The following CSMD1 variants were observed in gnomAD, a reference collection of about 807,000 sequenced individuals.
CSMD1 encodes CUB and Sushi multiple domains 1.
Under a neutral mutation model 417.5 loss-of-function variants are expected in CSMD1, and 213 were observed. That is an observed-to-expected ratio of 0.51 (90% CI 0.46 to 0.57). The LOEUF (loss-of-function observed/expected upper bound fraction) is 0.57, where lower values mean the gene tolerates loss of function less well. Among genes scored for constraint, CSMD1 ranks in the 20% least tolerant of loss-of-function variants. The pLI is 0.00. For missense variants in CSMD1, 6,923 were observed against 4,529.7 expected (o/e 1.53, Z -15.17); for synonymous variants, 2,862 against 1,736.8 (o/e 1.65, Z -16.11).
At chr8:2,988,584 G>A (rs1806127639) in intron 54 of CSMD1, among the ~76,000 whole-genome samples, 1 of 152,164 alleles carries the variant, frequency 6.6e-6, no homozygotes, top group African/African-American at 2.4e-5. Context: ...GTAGGAAAAT[G>A]TGATTCTCAA....
chr8:3,154,687 C>G (rs746027186), intron 39 of CSMD1, among the ~76,000 whole-genome samples: 4 of 152,122 alleles, frequency 2.6e-5, no homozygotes, highest in Non-Finnish European at 5.9e-5. Context: ...TAGAAAACTG[C>G]GAGACCATTC....
intron 3 of CSMD1, among the ~76,000 whole-genome samples, chr8:4,082,196 A>G (rs1051547567): frequency 4.6e-5 from 7 of 152,186 alleles, no homozygotes; most frequent in Non-Finnish European, 7.3e-5. Context: ...TACTGTGAAT[A>G]AATTTTTCCC....
At chr8:4,508,173 T>TC (rs398006970) in intron 2 of CSMD1, among the ~76,000 whole-genome samples, 5,146 of 150,488 alleles carry the variant, frequency 0.034, 285 homozygotes, top group African/African-American at 0.11. Flanking sequence ...TTTTTTTTTT[T>TC]CAATTCTGAG....
chr8:4,910,653 A>G (rs889545393), intron 1 of CSMD1, among the ~76,000 whole-genome samples: 1 of 152,238 alleles, frequency 6.6e-6, no homozygotes, highest in African/African-American at 2.4e-5. Context: ...TTAGATTTTA[A>G]CATATTAATT....
At chr8:3,713,892 A>G (rs1463910063) in intron 6 of CSMD1, among the ~76,000 whole-genome samples, 1 of 152,120 alleles carries the variant, frequency 6.6e-6, no homozygotes, top group African/African-American at 2.4e-5. Context: ...TTGCATGTTT[A>G]CTGTAATTTT....
intron 2 of CSMD1, among the ~76,000 whole-genome samples, chr8:4,611,647 A>G (rs914845466): frequency 6.6e-6 from 1 of 152,178 alleles, no homozygotes; most frequent in African/African-American, 2.4e-5. Flanking sequence ...CATTTTGTTA[A>G]GAGAAAAAGT....
At chr8:4,131,050 C>G (rs1367446246) in intron 3 of CSMD1, among the ~76,000 whole-genome samples, 1 of 152,110 alleles carries the variant, frequency 6.6e-6, no homozygotes, top group Non-Finnish European at 1.5e-5. Context: ...TTGGATTTGT[C>G]CTAATCCTTT....
chr8:4,162,650 C>T (rs897239622), intron 3 of CSMD1, among the ~76,000 whole-genome samples: 3 of 152,102 alleles, frequency 2.0e-5, no homozygotes, highest in Admixed American at 6.5e-5. Context: ...ACTGATATGT[C>T]ATGTAACACC....
intron 2 of CSMD1, among the ~76,000 whole-genome samples, chr8:4,529,844 G>A (rs900381092): frequency 4.7e-5 from 7 of 149,022 alleles, no homozygotes; most frequent in South Asian, 4.3e-4. Flanking sequence ...ATAGGTTACC[G>A]TCAGGTTGCT....
intron 10 of CSMD1, among the ~76,000 whole-genome samples, chr8:3,496,079 C>T (rs929685355): frequency 6.6e-6 from 1 of 152,174 alleles, no homozygotes; most frequent in African/African-American, 2.4e-5. Context: ...CCGAAATAGG[C>T]TCCGATGTGT....
Position 2,951,156 on chromosome 8 carries a change from C to T in CSMD1, c.10159G>A (p.Ala3387Thr). 6.2e-7 allele frequency: 1 copy of T among 1,613,554 alleles called. No individual in the cohort carries two copies. Among genetic ancestry groups the T allele is most frequent in the Non-Finnish European group, 8.5e-7 (1 of 1,179,630 alleles). ...ACTGGCGAGGCTTCGCTGAAGGTGG[C>T]ATTCACCTTACTGCTTGTTGCATTG... ...WFNATSSKVN[A>T]TFSEASPVEL... The change falls in exon 66 of 70, where the codon GCC (alanine) becomes ACC (threonine). Residue 3387 changes from alanine (A) to threonine (T), a missense_variant. By Grantham distance (58) the Ala-to-Thr change is moderately conservative. Coordinates refer to ENST00000635120, the MANE Select transcript of CSMD1 (RefSeq NM_033225.6).
chr8:3,194,736 C>T (rs1375453526), intron 33 of CSMD1, among the ~76,000 whole-genome samples: 8 of 151,778 alleles, frequency 5.3e-5, no homozygotes, highest in Admixed American at 5.3e-4. Context: ...TCCCAAAGTG[C>T]TAGGATTATA....
chr8:3,084,716 A>G (rs1359536967), intron 49 of CSMD1, among the ~76,000 whole-genome samples: 1 of 152,006 alleles, frequency 6.6e-6, no homozygotes, highest in Non-Finnish European at 1.5e-5. Context: ...TAAATTGCCA[A>G]TATATGTTGT....
At chr8:3,597,634 C>T (rs1037579442) in intron 8 of CSMD1, among the ~76,000 whole-genome samples, 2 of 152,172 alleles carry the variant, frequency 1.3e-5, no homozygotes, top group East Asian at 1.9e-4. Context: ...AGCACATATA[C>T]ACCATGGAAT....
At chr8:4,156,363 T>G (rs1203087799) in intron 3 of CSMD1, among the ~76,000 whole-genome samples, 1 of 152,180 alleles carries the variant, frequency 6.6e-6, no homozygotes, top group African/African-American at 2.4e-5. Context: ...TGATAAAACT[T>G]AAATGAATGC....
chr8:3,118,297 A>G (rs1816982654), intron 42 of CSMD1, 102 bp downstream of exon 42: 3 of 815,118 alleles, frequency 3.7e-6, no homozygotes, highest in Non-Finnish European at 5.7e-6. Flanking sequence ...ACGAATATTT[A>G]TTGAATACAT....
chr8:3,769,507 A>G (rs1798461200), intron 5 of CSMD1, among the ~76,000 whole-genome samples: 1 of 141,992 alleles, frequency 7.0e-6, no homozygotes. Context: ...AAAAAATAAG[A>G]AAAAATATAA....
chr8:4,655,922 T>G (rs746173338), intron 1 of CSMD1, among the ~76,000 whole-genome samples: 1 of 152,154 alleles, frequency 6.6e-6, no homozygotes, highest in Non-Finnish European at 1.5e-5. Flanking sequence ...GACACTGTGT[T>G]AGGCTCAGAG....
intron 5 of CSMD1, among the ~76,000 whole-genome samples, chr8:3,835,221 TATACCC>T (rs1347592963): frequency 6.6e-6 from 1 of 151,334 alleles, no homozygotes; most frequent in African/African-American, 2.4e-5. Context: ...TTACTGGGTA[TATACCC>T]AAAGGATTAT....
Sources: gnomAD v4.1 joint callset for allele counts (sites outside exome capture counted in the v4.1 genomes callset) on GRCh38, gnomAD v4.1.1 for gene constraint, MANE v1.5 for transcripts, NCBI Gene and HGNC (gene_info 2026-07-23, HGNC 2026-07-21) for gene names.